The following KHDRBS2 variants were observed in gnomAD, a reference collection of about 807,000 sequenced individuals.
The protein encoded by KHDRBS2 is KH RNA binding domain containing, signal transduction associated 2.
A neutral mutation model predicts 44.3 loss-of-function variants in KHDRBS2; 26 were observed. That is an observed-to-expected ratio of 0.59 (90% CI 0.43 to 0.81). The LOEUF (loss-of-function observed/expected upper bound fraction) is 0.81, where lower values mean the gene tolerates loss of function less well. Among genes scored for constraint, KHDRBS2 ranks in the 40% least tolerant of loss-of-function variants. The probability of loss-of-function intolerance (pLI) is 0.00; values close to 1 mark genes in which losing one functional copy is unlikely to be tolerated. For synonymous variants in KHDRBS2, 194 were observed against 151.1 expected (o/e 1.28, Z -2.08); for missense variants, 476 against 433.1 (o/e 1.10, Z -0.88).
chr6:61,557,877 T>C, the KHDRBS2 span, among the ~76,000 whole-genome samples: 1 of 152,166 alleles, frequency 6.6e-6, no homozygotes, highest in African/African-American at 2.4e-5. Flanking sequence ...GTAGGTTACA[T>C]GTGTCTCGGA....
chr6:61,863,011 C>T (rs1291481037), intron 6 of KHDRBS2, among the ~76,000 whole-genome samples: 2 of 152,032 alleles, frequency 1.3e-5, no homozygotes, highest in African/African-American at 4.8e-5. Context: ...CTGATTCAGT[C>T]TTGGGAGGGT....
intron 8 of KHDRBS2, among the ~76,000 whole-genome samples, chr6:61,683,593 T>C (rs1766527196): frequency 6.6e-6 from 1 of 151,934 alleles, no homozygotes; most frequent in Non-Finnish European, 1.5e-5. Flanking sequence ...TAAAAAACTC[T>C]TTAATTAGAA....
At chr6:62,231,747 T>A (rs1832936566) in intron 1 of KHDRBS2, among the ~76,000 whole-genome samples, 1 of 152,198 alleles carries the variant, frequency 6.6e-6, no homozygotes, top group Admixed American at 6.5e-5. Flanking sequence ...TTTAATACCT[T>A]TCATTTTTTC....
chr6:62,069,490 TGA>T (rs1019199225), intron 2 of KHDRBS2, among the ~76,000 whole-genome samples: 16 of 151,734 alleles, frequency 1.1e-4, no homozygotes, highest in Non-Finnish European at 2.4e-4. Flanking sequence ...CTTTGCTTTC[TGA>T]GAGGACTTAC....
chr6:61,742,640 A>T (rs1349444780), intron 6 of KHDRBS2, among the ~76,000 whole-genome samples: 1 of 151,844 alleles, frequency 6.6e-6, no homozygotes, highest in Admixed American at 6.6e-5. Flanking sequence ...CTGGCTTGGG[A>T]TGATATGGCA....
chr6:61,766,450 T>C (rs900664063), intron 6 of KHDRBS2, among the ~76,000 whole-genome samples: 1 of 152,150 alleles, frequency 6.6e-6, no homozygotes, highest in South Asian at 2.1e-4. Context: ...TTGTATTTTT[T>C]TGTTTAAATT....
intron 1 of KHDRBS2, among the ~76,000 whole-genome samples, chr6:62,245,584 C>G (rs911931887): frequency 1.3e-5 from 2 of 151,822 alleles, no homozygotes; most frequent in African/African-American, 4.8e-5. Context: ...TTAAAAGATT[C>G]AATATATTTT....
the KHDRBS2 span, among the ~76,000 whole-genome samples, chr6:61,570,313 G>T: frequency 4.3e-4 from 66 of 152,062 alleles, no homozygotes; most frequent in Admixed American, 1.9e-3. Context: ...ACAAGTAGAA[G>T]AAAGAAATTC....
intron 4 of KHDRBS2, among the ~76,000 whole-genome samples, chr6:61,964,239 T>A (rs866359856): frequency 6.6e-6 from 1 of 152,066 alleles, no homozygotes; most frequent in Non-Finnish European, 1.5e-5. Context: ...CACATATATA[T>A]GTTGTAGAAG....
intron 6 of KHDRBS2, among the ~76,000 whole-genome samples, chr6:61,878,024 T>C (rs556925945): frequency 2.0e-5 from 3 of 151,734 alleles, no homozygotes; most frequent in African/African-American, 4.8e-5. Context: ...AAATGTCTTA[T>C]GTAATGAGAA....
intron 1 of KHDRBS2, among the ~76,000 whole-genome samples, chr6:62,279,795 C>T (rs1841539141): frequency 6.6e-6 from 1 of 152,106 alleles, no homozygotes; most frequent in African/African-American, 2.4e-5. Flanking sequence ...TAGGAGAGGA[C>T]AGAGAGAAGA....
the KHDRBS2 span, among the ~76,000 whole-genome samples, chr6:61,569,413 A>C: frequency 6.6e-6 from 1 of 152,258 alleles, no homozygotes; most frequent in Admixed American, 6.5e-5. Flanking sequence ...GCAAGCTTAG[A>C]TCCCCCTATT....
chr6:61,556,872 A>ATTAT, the KHDRBS2 span, among the ~76,000 whole-genome samples: 1 of 87,456 alleles, frequency 1.1e-5, no homozygotes, highest in African/African-American at 4.2e-5. Context: ...TGAAATTGAG[A>ATTAT]TTTTTTTTTT....
intron 4 of KHDRBS2, among the ~76,000 whole-genome samples, chr6:61,963,184 T>G (rs1158286745): frequency 6.6e-6 from 1 of 152,080 alleles, no homozygotes; most frequent in Non-Finnish European, 1.5e-5. Flanking sequence ...CCTGAGGCTA[T>G]GTTCTAAACA....
the KHDRBS2 span, among the ~76,000 whole-genome samples, chr6:61,602,822 C>A: frequency 1.1e-4 from 16 of 152,232 alleles, no homozygotes; most frequent in East Asian, 3.1e-3. Flanking sequence ...CTCTTTTAAG[C>A]ACTCCTTTTT....
At chr6:61,785,311 A>G (rs1783631664) in intron 6 of KHDRBS2, among the ~76,000 whole-genome samples, 1 of 152,150 alleles carries the variant, frequency 6.6e-6, no homozygotes, top group African/African-American at 2.4e-5. Flanking sequence ...CTCAACAAAA[A>G]TGGCCAATAA....
chr6:61,612,459 T>A, the KHDRBS2 span, among the ~76,000 whole-genome samples: 1 of 152,216 alleles, frequency 6.6e-6, no homozygotes, highest in Non-Finnish European at 1.5e-5. Flanking sequence ...CACTGTTATT[T>A]AAACTCCTCA....
intron 6 of KHDRBS2, among the ~76,000 whole-genome samples, chr6:61,794,154 AT>A (rs1785003324): frequency 6.6e-6 from 1 of 152,240 alleles, no homozygotes; most frequent in African/African-American, 2.4e-5. Context: ...ATAGTACAAC[AT>A]TAATAAAAGC....
At chr6:61,945,952 C>T (rs1813282168) in intron 4 of KHDRBS2, among the ~76,000 whole-genome samples, 1 of 152,140 alleles carries the variant, frequency 6.6e-6, no homozygotes, top group South Asian at 2.1e-4. Context: ...CATTATAAAT[C>T]ACATAAATAT....
Sources: allele counts gnomAD v4.1 joint callset (sites outside exome capture counted in the v4.1 genomes callset), GRCh38; gene constraint gnomAD v4.1.1; transcripts MANE v1.5; gene names NCBI Gene and HGNC (gene_info 2026-07-23, HGNC 2026-07-21).